The following IQGAP1 variants were observed in gnomAD, a reference collection of about 807,000 sequenced individuals.
IQGAP1 encodes the protein IQ motif containing GTPase activating protein 1.
In IQGAP1, 66 loss-of-function variants were observed where a neutral mutation model predicts 215.6. That is an observed-to-expected ratio of 0.31 (90% CI 0.25 to 0.38). The LOEUF is 0.38. IQGAP1 is among the 10% of genes least tolerant of loss of function. IQGAP1 has a pLI of 1.00. For synonymous variants in IQGAP1, 772 were observed against 728.7 expected, an observed-to-expected ratio of 1.06 and a Z score of -0.96; for missense variants, 1,712 against 1,997.1, an observed-to-expected ratio of 0.86 and a Z score of 2.72.
chr15:90,455,715 G>C (rs1296547771), intron 14 of IQGAP1, among the ~76,000 whole-genome samples: 1 of 152,210 alleles, frequency 6.6e-6, no homozygotes, highest in Non-Finnish European at 1.5e-5. Flanking sequence ...TGTAATCTTG[G>C]AGAAGAGATT....
rs1045711134 is a variant in IQGAP1 at position 90,452,678 on chromosome 15, G to A, written c.1163-97G>A. ...TCCACTTCAAACTTCATGGCTGATA[G>A]CCACAGAATGTGATATTTTTCCCAT... On this transcript the variant is annotated intron_variant, in intron 11 of 37. Coordinates refer to ENST00000268182, the MANE Select transcript of IQGAP1 (RefSeq NM_003870.4). 2.9e-6 allele frequency: 4 copies of A among 1,370,424 alleles called. No homozygotes were observed. In the African/African-American group the frequency reaches 5.8e-5, roughly 20 times the overall value. The allele number at this position is 1,370,424 out of a possible 1,614,324, so 84.9% of individuals were successfully genotyped here. A position where few individuals can be genotyped will look rare whatever the true frequency, so the allele number is the denominator to read the frequency against.
At chr15:90,407,661 T>G (rs1964899069) in intron 2 of IQGAP1, among the ~76,000 whole-genome samples, 1 of 152,254 alleles carries the variant, frequency 6.6e-6, no homozygotes, top group South Asian at 2.1e-4. Context: ...TTTATTTCAT[T>G]TCCTGTGTTA....
rs377545534 is a variant in IQGAP1 at position 90,466,451 on chromosome 15, A to G, written c.2035+15A>G. 4 of 1,613,234 alleles carry G rather than the reference A, an allele frequency of 2.5e-6. No homozygotes were observed. In the African/African-American group the frequency reaches 5.3e-5, roughly 22 times the overall value. On this transcript the variant is annotated intron_variant, in intron 17 of 37. Transcript: ENST00000268182. Reference sequence around the variant, plus strand: ...ACTGGCAGTAGGTGAGTTCTGGGATAATACATATGTGCCCTGAAGCTAACC... The same window carrying G: ...ACTGGCAGTAGGTGAGTTCTGGGATGATACATATGTGCCCTGAAGCTAACC...
At chr15:90,430,960 G>T (rs1252315828) in intron 4 of IQGAP1, among the ~76,000 whole-genome samples, 10 of 145,982 alleles carry the variant, frequency 6.9e-5, no homozygotes, top group Non-Finnish European at 1.5e-4. Flanking sequence ...TTACAATATA[G>T]AATATATTGT....
chr15:90,445,328 T>G (rs1965512632), intron 9 of IQGAP1, among the ~76,000 whole-genome samples: 1 of 152,024 alleles, frequency 6.6e-6, no homozygotes, highest in Non-Finnish European at 1.5e-5. Flanking sequence ...ATTATCGCTA[T>G]GTCATGTAAT....
rs771486243 is a variant in IQGAP1, at chr15:90,466,011, A to G, written c.1787A>G (p.Asp596Gly). 1 of 1,614,010 alleles carries G rather than the reference A, an allele frequency of 6.2e-7. No homozygotes were observed. The highest frequency in any genetic ancestry group is 8.5e-7 in the Non-Finnish European group (1 of 1,179,868). The change falls in exon 16 of 38, where the codon GAT becomes GGT. Residue 596 changes from aspartate to glycine, a missense_variant. Physicochemically the swap from Asp to Gly is moderately conservative, Grantham distance 94. Coordinates refer to ENST00000268182, the MANE Select transcript of IQGAP1 (RefSeq NM_003870.4). ...AKREKAQEIQ[D>G]ESAVLWLDEI... Reference sequence around the variant, plus strand: ...TTTAATGATATGTAGGAAATCCAGGATGAGTCAGCTGTGTTATGGTTGGAT... The same window carrying G: ...TTTAATGATATGTAGGAAATCCAGGGTGAGTCAGCTGTGTTATGGTTGGAT...
At chr15:90,451,077 TC>T (rs933378589) in intron 11 of IQGAP1, among the ~76,000 whole-genome samples, 12 of 152,318 alleles carry the variant, frequency 7.9e-5, no homozygotes, top group African/African-American at 2.6e-4. Flanking sequence ...AATGTTTTCT[TC>T]CAGTCGCTTC....
At chr15:90,434,457 C>CATA (rs962890080) in intron 5 of IQGAP1, among the ~76,000 whole-genome samples, 6 of 151,390 alleles carry the variant, frequency 4.0e-5, no homozygotes, top group Non-Finnish European at 8.8e-5. Context: ...TAATAATAAT[C>CATA]ATAATAATAA....
chr15:90,403,269 T>C (rs1964829606), intron 2 of IQGAP1, among the ~76,000 whole-genome samples: 1 of 152,222 alleles, frequency 6.6e-6, no homozygotes, highest in African/African-American at 2.4e-5. Flanking sequence ...CCTGAAGACA[T>C]GCTATGTCAT....
intron 34 of IQGAP1, 146 bp downstream of exon 34, chr15:90,491,691 C>T (rs1966207370): frequency 1.5e-6 from 1 of 667,762 alleles, no homozygotes; most frequent in African/African-American, 1.8e-5. Flanking sequence ...GACTCTCCAG[C>T]ATGAGGGCCT....
intron 30 of IQGAP1, among the ~76,000 whole-genome samples, chr15:90,484,798 C>T (rs1596290675): frequency 6.6e-6 from 1 of 152,250 alleles, no homozygotes. Context: ...CGTGAGCCAC[C>T]ACGCCTGGCC....
At chr15:90,442,249 G>C (rs1282148758) in intron 8 of IQGAP1, among the ~76,000 whole-genome samples, 1 of 152,140 alleles carries the variant, frequency 6.6e-6, no homozygotes, top group African/African-American at 2.4e-5. Flanking sequence ...CCGAGGTCAG[G>C]AGTTTGAGAC....
chr15:90,472,750 G>T, intron 18 of IQGAP1, 90 bp from the exon 19 acceptor site: 1 of 1,233,276 alleles, frequency 8.1e-7, no homozygotes, highest in Non-Finnish European at 1.1e-6. Flanking sequence ...AGCAGGAGGT[G>T]TTAGCTTGTG....
In IQGAP1 at chr15:90,472,837, C is replaced by A; in HGVS notation, c.2179-3C>A. On this transcript the variant is annotated splice_polypyrimidine_tract_variant and splice_region_variant and intron_variant, in intron 18 of 37. Transcript: ENST00000268182. ...TCTTTGAATGTGACCACTGCTTTTT[C>A]AGAGTTCTATCTCTGGGGTGACTGC... is the stretch of plus-strand genomic sequence containing the variant. 1 of 1,596,452 alleles carries A rather than the reference C, an allele frequency of 6.3e-7. No homozygotes were observed. Among genetic ancestry groups the A allele is most frequent in the South Asian group, 1.1e-5 (1 of 89,484 alleles).
Position 90,477,909 on chromosome 15 carries a change from A to G in IQGAP1, c.3329+20A>G. 6.8e-7 allele frequency: 1 copy of G among 1,466,588 alleles called. No homozygotes were observed. The highest frequency in any genetic ancestry group is 9.6e-7 in the Non-Finnish European group (1 of 1,045,802). 90.8% of individuals were successfully genotyped at this position (1,466,588 alleles called of 1,614,324 possible). A position where few individuals can be genotyped will look rare whatever the true frequency, so the allele number is the denominator to read the frequency against. ...GGCAAGGTATGTTAACCATAATGAC[A>G]CTTTTCTTTCATGTTGTTATAGTCT... is the stretch of plus-strand genomic sequence containing the variant. On this transcript the variant is annotated intron_variant, in intron 26 of 37. Coordinates refer to ENST00000268182, the MANE Select transcript of IQGAP1 (RefSeq NM_003870.4).
chr15:90,403,922 G>T (rs997578520), intron 2 of IQGAP1, among the ~76,000 whole-genome samples: 1 of 152,152 alleles, frequency 6.6e-6, no homozygotes, highest in Non-Finnish European at 1.5e-5. Context: ...TTATCTGCCC[G>T]CCTTGGCCTC....
chr15:90,465,165 A>G (rs1413678061), intron 15 of IQGAP1, among the ~76,000 whole-genome samples: 1 of 152,218 alleles, frequency 6.6e-6, no homozygotes, highest in Non-Finnish European at 1.5e-5. Flanking sequence ...AAGTTTTAGG[A>G]TATCAGCTAG....
chr15:90,466,243 C>A, intron 16 of IQGAP1, 26 bp from the exon 17 acceptor site: 1 of 1,610,924 alleles, frequency 6.2e-7, no homozygotes. Flanking sequence ...CTAAACTATT[C>A]TGGTAACAGT....
At chr15:90,415,006 T>G (rs1055936966) in intron 2 of IQGAP1, among the ~76,000 whole-genome samples, 1 of 152,230 alleles carries the variant, frequency 6.6e-6, no homozygotes, top group Admixed American at 6.5e-5. Flanking sequence ...TAGAAGTGTT[T>G]GTAAGTTTGC....
Sources: allele counts gnomAD v4.1 joint callset (sites outside exome capture counted in the v4.1 genomes callset), GRCh38; gene constraint gnomAD v4.1.1; transcripts MANE v1.5; gene names NCBI Gene and HGNC (gene_info 2026-07-23, HGNC 2026-07-21).